NCOA2: variants seen among roughly 807,000 people sequenced by gnomAD.
NCOA2 encodes the protein class E basic helix-loop-helix protein 75.
In NCOA2, 21 loss-of-function variants were observed where a neutral mutation model predicts 145.1. The ratio of observed to expected loss-of-function variants is 0.14; its 90% CI spans 0.10 to 0.21. NCOA2 has a LOEUF of 0.21. Among genes scored for constraint, NCOA2 ranks in the 10% least tolerant of loss-of-function variants. The pLI is 1.00. For missense variants in NCOA2, 1,472 were observed against 1,837.6 expected (o/e 0.80, Z 3.64); for synonymous variants, 619 against 637.5 (o/e 0.97, Z 0.44).
At position 70,163,482 on chromosome 8, in the gene NCOA2, G is replaced by T; in HGVS notation, c.815C>A (p.Thr272Asn). Residue 272 changes from threonine to asparagine, a missense_variant, in exon 8 of 23, where the codon ACT becomes AAT. This residue lies in a region of NCOA2 where 284 missense variants were observed against 467.8 expected (regional missense o/e 0.61). Coordinates refer to ENST00000452400, the MANE Select transcript of NCOA2 (RefSeq NM_006540.4). ...AAATTTACCTTGGAGATCCTGGCGA[G>T]TAGTAAAACTTTCTGATGAGGGAAG... is the stretch of plus-strand genomic sequence containing the variant. ...PVLPSSESFT[T>N]RQDLQGKITS... is the part of the protein sequence containing the mutation. The T allele has an allele frequency of 6.2e-7, 1 of 1,613,272 alleles. No homozygotes were observed. The highest frequency in any genetic ancestry group is 8.5e-7 in the Non-Finnish European group (1 of 1,179,282).
At chr8:70,403,112 G>A (rs1814514596) in intron 1 of NCOA2, among the ~76,000 whole-genome samples, 1 of 149,592 alleles carries the variant, frequency 6.7e-6, no homozygotes, top group African/African-American at 2.5e-5. Context: ...AGCACTTCCC[G>A]AGTCCTGCCT....
chr8:70,298,787 C>A (rs917642720), intron 1 of NCOA2, among the ~76,000 whole-genome samples: 1 of 152,128 alleles, frequency 6.6e-6, no homozygotes, highest in South Asian at 2.1e-4. Context: ...GTTAGCCGGG[C>A]GCGGTGGTTC....
chr8:70,174,701 TAATGTG>T, intron 5 of NCOA2, 49 bp downstream of exon 5: 2 of 1,440,328 alleles, frequency 1.4e-6, no homozygotes, highest in Non-Finnish European at 2.0e-6. Context: ...TTAAATGTAA[TAATGTG>T]AAGATCAACA....
intron 6 of NCOA2, among the ~76,000 whole-genome samples, chr8:70,167,129 C>T (rs1813704687): frequency 6.6e-6 from 1 of 152,168 alleles, no homozygotes; most frequent in South Asian, 2.1e-4. Context: ...GTCTTCCTAA[C>T]TGATTTCTTA....
chr8:70,129,858 C>T (rs893992356), intron 16 of NCOA2, among the ~76,000 whole-genome samples: 1 of 152,134 alleles, frequency 6.6e-6, no homozygotes, highest in Non-Finnish European at 1.5e-5. Flanking sequence ...TTAGTGGAGA[C>T]GGGGTTTCTC....
chr8:70,413,298 A>G, the NCOA2 span, among the ~76,000 whole-genome samples: 5 of 151,994 alleles, frequency 3.3e-5, no homozygotes, highest in African/African-American at 9.7e-5. Context: ...AACACTATCC[A>G]TCTCTAGAAT....
At chr8:70,450,027 T>C in the NCOA2 span, among the ~76,000 whole-genome samples, 1 of 152,182 alleles carries the variant, frequency 6.6e-6, no homozygotes, top group Non-Finnish European at 1.5e-5. Context: ...TTTAGAAACC[T>C]TTCTCCTTGC....
At chr8:70,372,031 G>A (rs1412756971) in intron 1 of NCOA2, among the ~76,000 whole-genome samples, 1 of 151,986 alleles carries the variant, frequency 6.6e-6, no homozygotes, top group Non-Finnish European at 1.5e-5. Context: ...AATGTTATTA[G>A]GCTAAAAATC....
chr8:70,282,046 AAAT>A (rs1322732703), intron 2 of NCOA2, among the ~76,000 whole-genome samples: 3 of 152,326 alleles, frequency 2.0e-5, no homozygotes, highest in African/African-American at 7.2e-5. Context: ...TACCAACACA[AAAT>A]AATGAAACCT....
chr8:70,399,227 AG>A (rs756682354), intron 1 of NCOA2, among the ~76,000 whole-genome samples: 95 of 152,366 alleles, frequency 6.2e-4, no homozygotes, highest in Non-Finnish European at 1.2e-3. Context: ...TTCTTTTTAC[AG>A]CTTGCAATTC....
chr8:70,187,427 G>GC (rs1252745320), intron 4 of NCOA2, among the ~76,000 whole-genome samples: 2 of 152,112 alleles, frequency 1.3e-5, no homozygotes, highest in African/African-American at 2.4e-5. Context: ...TCGGTTACGT[G>GC]CTCTCAAATA....
chr8:70,443,660 G>T, the NCOA2 span, among the ~76,000 whole-genome samples: 2 of 151,948 alleles, frequency 1.3e-5, no homozygotes, highest in African/African-American at 4.8e-5. Context: ...TGAACTTCTG[G>T]GTTCAAGGGA....
intron 4 of NCOA2, among the ~76,000 whole-genome samples, chr8:70,205,504 C>T (rs1818340832): frequency 6.6e-6 from 1 of 152,042 alleles, no homozygotes; most frequent in Non-Finnish European, 1.5e-5. Context: ...TACTATCATC[C>T]ACCCAGATTC....
chr8:70,322,192 C>A (rs1806139518), intron 1 of NCOA2, among the ~76,000 whole-genome samples: 3 of 152,136 alleles, frequency 2.0e-5, no homozygotes, highest in Admixed American at 2.0e-4. Context: ...AGAAAATCAT[C>A]ATGTTTGCCA....
intron 1 of NCOA2, among the ~76,000 whole-genome samples, chr8:70,327,347 C>T (rs1806688089): frequency 6.6e-6 from 1 of 152,102 alleles, no homozygotes; most frequent in Non-Finnish European, 1.5e-5. Context: ...TAAATGCATG[C>T]CTACATTTAT....
rs1339983316 is a variant in NCOA2, at chr8:70,370,490, C to T, written c.-77+33210G>A. On this transcript the variant is annotated intron_variant, in intron 1 of 22. Transcript: ENST00000452400. ...GACTCAGGCAGTAGGAAAATCAGCACACTGGGTCTTATTTATTTATTCCAC... is the reference window on the plus strand; with the variant it reads ...GACTCAGGCAGTAGGAAAATCAGCATACTGGGTCTTATTTATTTATTCCAC... Among the ~76,000 whole-genome samples, 5 of 152,230 alleles carry T rather than the reference C, an allele frequency of 3.3e-5. No individual in the cohort carries two copies. The East Asian group carries it at 9.6e-4, about 29-fold the overall frequency.
At chr8:70,418,866 A>G in the NCOA2 span, among the ~76,000 whole-genome samples, 1 of 152,206 alleles carries the variant, frequency 6.6e-6, no homozygotes, top group East Asian at 1.9e-4. Flanking sequence ...TATTTGCAAT[A>G]TATTCATTTT....
the NCOA2 span, among the ~76,000 whole-genome samples, chr8:70,422,080 G>C: frequency 1.3e-5 from 2 of 151,430 alleles, no homozygotes; most frequent in Non-Finnish European, 2.9e-5. Context: ...GGGCAACCGA[G>C]CAAGACTCCG....
At chr8:70,378,735 G>A (rs1302786823) in intron 1 of NCOA2, among the ~76,000 whole-genome samples, 1 of 134,924 alleles carries the variant, frequency 7.4e-6, no homozygotes, top group Admixed American at 7.6e-5. Context: ...TGCACTTGTA[G>A]GCTATGCTAA....
Sources: gnomAD v4.1 joint callset for allele counts (sites outside exome capture counted in the v4.1 genomes callset) on GRCh38, gnomAD v4.1.1 for gene constraint, gnomAD v4.1.1 regional missense constraint, MANE v1.5 for transcripts, NCBI Gene and HGNC (gene_info 2026-07-23, HGNC 2026-07-21) for gene names.